POC5: variants seen among roughly 807,000 people sequenced by gnomAD.
The protein encoded by POC5 is centrosomal protein POC5.
In POC5, 48 loss-of-function variants were observed where a neutral mutation model predicts 62.9. The observed-to-expected ratio is 0.76, with a 90% CI of 0.61 to 0.97. The LOEUF is 0.97. Among genes scored for constraint, POC5 ranks in the 50% least tolerant of loss-of-function variants. POC5 has a pLI of 0.00. For missense variants in POC5, 696 were observed against 679.5 expected (o/e 1.02, Z -0.27); for synonymous variants, 236 against 228.2 (o/e 1.03, Z -0.31).
Position 75,705,765 on chromosome 5 carries a change from T to A in POC5, c.246A>T (p.Glu82Asp), listed in dbSNP as rs77025299. 14,534 of 1,550,918 alleles carry A rather than the reference T, an allele frequency of 9.4e-3. 1,213 individuals carry two copies. In the African/African-American group the frequency reaches 0.17, roughly 19 times the overall value. Residue 82 changes from glutamate to aspartate, a missense_variant, in exon 4 of 12, where the codon GAA becomes GAT. Physicochemically the swap from Glu to Asp is conservative, Grantham distance 45. Transcript: ENST00000428202. ...HSQGNNSEVR[E>D]TAIEVGKGCD... is the part of the protein sequence containing the mutation. ...ATCCTTTTCCAACTTCTATTGCAGTTTCTCTTACTTCAGAGTTATTTCCTG... is the reference window on the plus strand; with the variant it reads ...ATCCTTTTCCAACTTCTATTGCAGTATCTCTTACTTCAGAGTTATTTCCTG...
intron 9 of POC5, among the ~76,000 whole-genome samples, chr5:75,688,248 C>T (rs1776178011): frequency 6.6e-6 from 1 of 152,226 alleles, no homozygotes; most frequent in South Asian, 2.1e-4. Flanking sequence ...TGACTATCAT[C>T]TTACACGTTA....
At chr5:75,706,565 T>C (rs75180116) in intron 3 of POC5, among the ~76,000 whole-genome samples, 4 of 105,328 alleles carry the variant, frequency 3.8e-5, no homozygotes, top group Non-Finnish European at 9.4e-5. Context: ...CTCGAAAGTT[T>C]TTTCTTTTTT....
chr5:75,705,671 T>C lies in POC5; in HGVS notation c.307+33A>G, dbSNP rs372099520. 1.5e-5 allele frequency: 20 copies of C among 1,327,708 alleles called. No homozygotes were observed. The African/African-American group carries it at 2.9e-4, about 19-fold the overall frequency. The allele number at this position is 1,327,708 out of a possible 1,614,324, so 82.2% of individuals were successfully genotyped here. ...ATTCATCAAACCACAAAATGTTGTA[T>C]ATTAATACAAATAAGCTAAAGAAAA... On this transcript the variant is annotated intron_variant, in intron 4 of 11. Coordinates refer to ENST00000428202, the MANE Select transcript of POC5 (RefSeq NM_001099271.2).
At chr5:75,704,284 T>C (rs1358577102) in intron 4 of POC5, among the ~76,000 whole-genome samples, 3 of 152,194 alleles carry the variant, frequency 2.0e-5, no homozygotes, top group East Asian at 1.9e-4. Flanking sequence ...ATAACAAAGA[T>C]GGAAGAGCTT....
At position 75,695,297 on chromosome 5, in the gene POC5, G is replaced by A. The variant is rs567943668; in HGVS notation, c.514-466C>T. On this transcript the variant is annotated intron_variant, in intron 5 of 11. Coordinates refer to ENST00000428202, the MANE Select transcript of POC5 (RefSeq NM_001099271.2). ...AGCCATTTATCACAGATTATTATCT[G>A]TTATAATGGACTGCTATGTTCTGTC... Among the ~76,000 whole-genome samples, 12 of 152,286 alleles carry A rather than the reference G, an allele frequency of 7.9e-5. 1 individual carries two copies. In the South Asian group the frequency reaches 2.3e-3, roughly 29 times the overall value.
At chr5:75,677,997 C>A in intron 10 of POC5, 47 bp from the exon 11 acceptor site, 2 of 1,393,992 alleles carry the variant, frequency 1.4e-6, no homozygotes, top group East Asian at 2.6e-5. Flanking sequence ...GCAGAAAATC[C>A]ACAGCAAAAT....
At chr5:75,675,370 T>G (rs1435975187) in intron 11 of POC5, among the ~76,000 whole-genome samples, 1 of 152,202 alleles carries the variant, frequency 6.6e-6, no homozygotes, top group South Asian at 2.1e-4. Context: ...TATCACTGAC[T>G]AGGACATGTC....
chr5:75,680,848 C>A (rs899579925), intron 10 of POC5, among the ~76,000 whole-genome samples: 1 of 151,838 alleles, frequency 6.6e-6, no homozygotes, highest in African/African-American at 2.4e-5. Flanking sequence ...AATCTTTGAC[C>A]CCACATTCAG....
At chr5:75,702,836 T>C (rs1461757419) in intron 4 of POC5, 26 bp from the exon 5 acceptor site, 1 of 1,502,726 alleles carries the variant, frequency 6.7e-7, no homozygotes, top group Admixed American at 2.0e-5. Flanking sequence ...GTTGTAGCTG[T>C]CAAGCCAAAT....
At chr5:75,693,180 A>G (rs1776416680) in intron 6 of POC5, among the ~76,000 whole-genome samples, 2 of 143,350 alleles carry the variant, frequency 1.4e-5, no homozygotes, top group African/African-American at 4.9e-5. Flanking sequence ...AACATTATAT[A>G]TAACTAATGT....
At chr5:75,715,244 A>G (rs1159331337) in intron 1 of POC5, among the ~76,000 whole-genome samples, 2 of 146,784 alleles carry the variant, frequency 1.4e-5, no homozygotes, top group Non-Finnish European at 3.0e-5. Context: ...CGGGAGGCGG[A>G]GCTCATAGTG....
chr5:75,704,074 G>A (rs1777016764), intron 4 of POC5, among the ~76,000 whole-genome samples: 1 of 150,482 alleles, frequency 6.6e-6, no homozygotes, highest in Non-Finnish European at 1.5e-5. Context: ...AGAATTGCTT[G>A]AACCCGGGAA....
intron 2 of POC5, among the ~76,000 whole-genome samples, chr5:75,710,734 T>C (rs1033535891): frequency 6.6e-6 from 1 of 152,218 alleles, no homozygotes. Context: ...AGCAGATTAA[T>C]ATGATGGTGA....
At chr5:75,693,710 T>C (rs988709690) in intron 6 of POC5, among the ~76,000 whole-genome samples, 1 of 152,174 alleles carries the variant, frequency 6.6e-6, no homozygotes, top group African/African-American at 2.4e-5. Flanking sequence ...TGAAAACACT[T>C]AAGTGCTACT....
intron 6 of POC5, among the ~76,000 whole-genome samples, chr5:75,693,639 T>C (rs2112131179): frequency 6.6e-6 from 1 of 152,274 alleles, no homozygotes; most frequent in Non-Finnish European, 1.5e-5. Context: ...AAAAATTCTA[T>C]AAAATGTTCA....
chr5:75,711,748 G>A (rs1561484139), intron 2 of POC5, among the ~76,000 whole-genome samples: 1 of 151,992 alleles, frequency 6.6e-6, no homozygotes, highest in Non-Finnish European at 1.5e-5. Flanking sequence ...ATTATAGGTG[G>A]GTAAACAATA....
At chr5:75,676,216 C>T (rs2112062426) in intron 11 of POC5, among the ~76,000 whole-genome samples, 1 of 152,294 alleles carries the variant, frequency 6.6e-6, no homozygotes, top group African/African-American at 2.4e-5. Context: ...CCTTCTTTAC[C>T]TCACAAATGG....
chr5:75,676,224 T>A (rs1334225577), intron 11 of POC5, among the ~76,000 whole-genome samples: 1 of 152,234 alleles, frequency 6.6e-6, no homozygotes, highest in Non-Finnish European at 1.5e-5. Context: ...ACCTCACAAA[T>A]GGACAGTCTC....
chr5:75,702,723 G>C lies in POC5; in HGVS notation c.395C>G (p.Pro132Arg), dbSNP rs1315304577. Reference sequence around the variant, plus strand: ...ATCTGTATGACTAGAATTTGTTGCTGGTGAGGAAGAGTCAGCTAAAAGATG... The same window carrying C: ...ATCTGTATGACTAGAATTTGTTGCTCGTGAGGAAGAGTCAGCTAAAAGATG... ...SSHLLADSSS[P>R]ATNSSHTDAH... is the part of the protein sequence containing the mutation. Residue 132 changes from proline to arginine, a missense_variant, in exon 5 of 12, where the codon CCA (proline) becomes CGA (arginine). Coordinates refer to ENST00000428202, the MANE Select transcript of POC5 (RefSeq NM_001099271.2). The C allele has an allele frequency of 6.2e-7, 1 of 1,607,512 alleles. No individual in the cohort carries two copies. Among genetic ancestry groups the C allele is most frequent in the Non-Finnish European group, 8.5e-7 (1 of 1,176,690 alleles).
Sources: allele counts gnomAD v4.1 joint callset (sites outside exome capture counted in the v4.1 genomes callset), GRCh38; gene constraint gnomAD v4.1.1; transcripts MANE v1.5; gene names NCBI Gene and HGNC (gene_info 2026-07-23, HGNC 2026-07-21).